OR2C1: variants seen among roughly 807,000 people sequenced by gnomAD.
The protein encoded by OR2C1 is olfactory receptor 2C1.
For synonymous variants in OR2C1, 209 were observed against 167.3 expected (o/e 1.25, Z -1.92); for missense variants, 468 against 388.3 (o/e 1.21, Z -1.73).
chr16:3,340,748 A>T, the OR2C1 span, among the ~76,000 whole-genome samples: 1 of 152,212 alleles, frequency 6.6e-6, no homozygotes, highest in Non-Finnish European at 1.5e-5. Flanking sequence ...TAAGTTGTCC[A>T]TAGGGGGTTA....
the OR2C1 span, among the ~76,000 whole-genome samples, chr16:3,347,413 T>G: frequency 6.6e-6 from 1 of 151,696 alleles, no homozygotes; most frequent in Non-Finnish European, 1.5e-5. Context: ...TTAAACTAAT[T>G]AAATTATCAA....
At chr16:3,336,323 T>C in the OR2C1 span, among the ~76,000 whole-genome samples, 1 of 152,190 alleles carries the variant, frequency 6.6e-6, no homozygotes, top group African/African-American at 2.4e-5. Flanking sequence ...AGAATTTTTA[T>C]GTTCATCAGG....
chr16:3,325,275 C>T, the OR2C1 span, among the ~76,000 whole-genome samples: 6 of 151,834 alleles, frequency 4.0e-5, no homozygotes, highest in Non-Finnish European at 8.8e-5. Context: ...AGCCACTGTG[C>T]CCAGCCTATT....
the OR2C1 span, among the ~76,000 whole-genome samples, chr16:3,338,274 G>C: frequency 6.6e-6 from 1 of 152,170 alleles, no homozygotes; most frequent in African/African-American, 2.4e-5. Flanking sequence ...ACATTTCTCA[G>C]GGATATTTCT....
At chr16:3,340,446 C>G in the OR2C1 span, among the ~76,000 whole-genome samples, 1 of 152,106 alleles carries the variant, frequency 6.6e-6, no homozygotes, top group Non-Finnish European at 1.5e-5. Context: ...CCCTATGATA[C>G]ACAATGGTTT....
At chr16:3,337,226 C>T in the OR2C1 span, among the ~76,000 whole-genome samples, 1 of 151,958 alleles carries the variant, frequency 6.6e-6, no homozygotes, top group South Asian at 2.1e-4. Flanking sequence ...GCAATCTCTG[C>T]TCACTGCAAC....
At chr16:3,350,725 A>G in the OR2C1 span, among the ~76,000 whole-genome samples, 1 of 151,806 alleles carries the variant, frequency 6.6e-6, no homozygotes, top group East Asian at 1.9e-4. Flanking sequence ...GGGAAGTTTT[A>G]AAACAACAAT....
the OR2C1 span, among the ~76,000 whole-genome samples, chr16:3,338,539 T>TTTTTTTTTTTTC: frequency 5.1e-5 from 1 of 19,492 alleles, no homozygotes. Flanking sequence ...TATAGGTACC[T>TTTTTTTTTTTTC]TTTTTTTTTT....
chr16:3,334,435 C>A, the OR2C1 span, among the ~76,000 whole-genome samples: 2 of 151,364 alleles, frequency 1.3e-5, no homozygotes, highest in African/African-American at 4.9e-5. Context: ...CTCAGCACAG[C>A]CTGCTAATTT....
upstream of OR2C1, among the ~76,000 whole-genome samples, chr16:3,351,220 C>CTTT (rs779814781): frequency 1.3e-3 from 25 of 18,646 alleles, 1 homozygote; most frequent in African/African-American, 5.0e-3. Flanking sequence ...TTTTCTTTTT[C>CTTT]TTTTTCTTTT....
At chr16:3,331,528 G>A in the OR2C1 span, among the ~76,000 whole-genome samples, 398 of 150,706 alleles carry the variant, frequency 2.6e-3, no homozygotes, top group Admixed American at 7.6e-3. Flanking sequence ...TAGGTCTAAC[G>A]TTTAAGTCTT....
the OR2C1 span, among the ~76,000 whole-genome samples, chr16:3,329,692 A>G: frequency 7.4e-6 from 1 of 136,004 alleles, no homozygotes; most frequent in Non-Finnish European, 1.5e-5. Flanking sequence ...CTCATGATCC[A>G]CCCACCTCGG....
chr16:3,347,012 A>G, the OR2C1 span, among the ~76,000 whole-genome samples: 1 of 150,068 alleles, frequency 6.7e-6, no homozygotes, highest in African/African-American at 2.4e-5. Context: ...TGGGAGGCTG[A>G]GGTGGGCAGA....
At chr16:3,357,963 G>A (rs969112423), downstream of OR2C1, among the ~76,000 whole-genome samples, 6 of 151,802 alleles carry the variant, frequency 4.0e-5, no homozygotes, top group East Asian at 9.7e-4. Context: ...CCTGGGTAAC[G>A]AGCAAAACTC....
upstream of OR2C1, among the ~76,000 whole-genome samples, chr16:3,354,908 G>A (rs1365584522): frequency 6.6e-6 from 1 of 152,074 alleles, no homozygotes; most frequent in East Asian, 1.9e-4. Context: ...GGGATTACAG[G>A]TGTGAGCCAC....
chr16:3,354,675 A>T (rs1221448482), upstream of OR2C1, among the ~76,000 whole-genome samples: 3 of 152,242 alleles, frequency 2.0e-5, no homozygotes, highest in Non-Finnish European at 2.9e-5. Flanking sequence ...AAGAGAGCAG[A>T]GGAAATTTAA....
the OR2C1 span, among the ~76,000 whole-genome samples, chr16:3,338,103 G>A: frequency 1.2e-4 from 18 of 152,108 alleles, no homozygotes; most frequent in Non-Finnish European, 2.4e-4. Flanking sequence ...AGTAGTGTGG[G>A]AAGGCTGGCT....
At chr16:3,342,354 A>ATAGACCAAAT in the OR2C1 span, among the ~76,000 whole-genome samples, 1 of 152,236 alleles carries the variant, frequency 6.6e-6, no homozygotes, top group Non-Finnish European at 1.5e-5. Context: ...AAAGGTCAAC[A>ATAGACCAAAT]TAGACCAAAT....
the OR2C1 span, among the ~76,000 whole-genome samples, chr16:3,331,167 C>T: frequency 1.3e-5 from 2 of 152,116 alleles, no homozygotes; most frequent in South Asian, 2.1e-4. Flanking sequence ...ATGTGTGTTT[C>T]GGCTGCATAA....
Sources: gnomAD v4.1 joint callset for allele counts (sites outside exome capture counted in the v4.1 genomes callset) on GRCh38, gnomAD v4.1.1 for gene constraint, MANE v1.5 for transcripts, NCBI Gene and HGNC (gene_info 2026-07-23, HGNC 2026-07-21) for gene names.